TBX20: variants seen among roughly 807,000 people sequenced by gnomAD.
TBX20 encodes the protein T-box transcription factor TBX20.
TBX20 carries 8 observed loss-of-function variants against 42.9 expected under a neutral mutation model. The observed-to-expected ratio is 0.19, with a 90% CI of 0.11 to 0.34. The LOEUF (loss-of-function observed/expected upper bound fraction) is 0.34, where lower values mean the gene tolerates loss of function less well. Among genes scored for constraint, TBX20 ranks in the 10% least tolerant of loss-of-function variants. The probability of loss-of-function intolerance (pLI) is 1.00; values close to 1 mark genes in which losing one functional copy is unlikely to be tolerated. For missense variants in TBX20, 411 were observed against 566.0 expected, an observed-to-expected ratio of 0.73 and a Z score of 2.78; for synonymous variants, 198 against 222.8, an observed-to-expected ratio of 0.89 and a Z score of 0.99.
At chr7:35,235,622 G>A (rs1410585674) in intron 5 of TBX20, among the ~76,000 whole-genome samples, 2 of 152,176 alleles carry the variant, frequency 1.3e-5, no homozygotes, top group African/African-American at 4.8e-5. Flanking sequence ...TTTAGTGTGG[G>A]TCTACATATA....
chr7:35,233,230 G>GA (rs1419469294), intron 5 of TBX20, among the ~76,000 whole-genome samples: 2 of 152,118 alleles, frequency 1.3e-5, no homozygotes, highest in Non-Finnish European at 2.9e-5. Context: ...CACTTAAAAT[G>GA]AAACCTCACA....
intron 6 of TBX20, among the ~76,000 whole-genome samples, chr7:35,229,016 G>A (rs542899640): frequency 1.3e-5 from 2 of 152,118 alleles, no homozygotes; most frequent in African/African-American, 2.4e-5. Flanking sequence ...TCAAAAGCTC[G>A]TGTAGCTGTA....
chr7:35,226,258 T>C (rs1321628539), intron 6 of TBX20, among the ~76,000 whole-genome samples: 2 of 152,038 alleles, frequency 1.3e-5, no homozygotes, highest in African/African-American at 4.8e-5. Flanking sequence ...GATTTGGTGA[T>C]AAAACCATCT....
rs1584343496 is a variant in TBX20 at position 35,215,775 on chromosome 7, C to A, written c.891-11193G>T. ...AGAAATGGTACACACGTCAGAGACA[C>A]AATCACGGCCAGAAAATGGGCAAAA... On this transcript the variant is annotated intron_variant, in intron 6 of 7. Transcript: ENST00000408931. 2.6e-5 allele frequency among the ~76,000 whole-genome samples: 4 copies of A among 152,160 alleles called. 1 individual carries two copies. In the South Asian group the frequency reaches 8.3e-4, roughly 32 times the overall value.
chr7:35,208,851 T>C (rs1241698898), intron 6 of TBX20, among the ~76,000 whole-genome samples: 3 of 151,458 alleles, frequency 2.0e-5, no homozygotes, highest in Non-Finnish European at 4.4e-5. Context: ...AGATATAATA[T>C]TCATTCTAGG....
chr7:35,253,697 C>G lies in TBX20; in HGVS notation c.-77G>C. The G allele has an allele frequency of 2.6e-6, 4 of 1,562,020 alleles. No homozygotes were observed. Among genetic ancestry groups the G allele is most frequent in the Admixed American group, 3.7e-5 (2 of 54,586 alleles). ...CAGATTCCCCAAGGGAGACAAAGAC[C>G]CGAAACACAGCTCAAAGTTTCCGAG... On this transcript the variant is annotated 5_prime_UTR_variant, in exon 1 of 8. Coordinates refer to ENST00000408931, the MANE Select transcript of TBX20 (RefSeq NM_001077653.2).
intron 4 of TBX20, among the ~76,000 whole-genome samples, chr7:35,243,841 G>C (rs7795344): frequency 0.4 from 61,388 of 151,998 alleles, 12,577 homozygotes; most frequent in Admixed American, 0.47. Flanking sequence ...AGTTAAGTGG[G>C]TACCCTGACT....
chr7:35,222,462 G>A (rs1789699212), intron 6 of TBX20, among the ~76,000 whole-genome samples: 1 of 152,084 alleles, frequency 6.6e-6, no homozygotes, highest in Non-Finnish European at 1.5e-5. Flanking sequence ...GCTTGAAGCT[G>A]GGTTAAGTTT....
At chr7:35,214,638 AG>A (rs1023070246) in intron 6 of TBX20, among the ~76,000 whole-genome samples, 20 of 152,266 alleles carry the variant, frequency 1.3e-4, no homozygotes, top group African/African-American at 4.8e-4. Context: ...ATTTACTCAA[AG>A]GCTTAATTTA....
Position 35,204,503 on chromosome 7 carries a change from A to G in TBX20, c.970T>C (p.Leu324=), listed in dbSNP as rs1311110377. 6.2e-7 allele frequency: 1 copy of G among 1,614,124 alleles called. No individual in the cohort carries two copies. The highest frequency in any genetic ancestry group is 1.7e-5 in the Admixed American group (1 of 60,016). Residue 324 remains leucine, a synonymous_variant, in exon 7 of 8, where the codon TTG becomes CTG. Transcript: ENST00000408931. ...GGGGTTGTCTGACTCTCATCCCCCA[A>G]GACATCTTCTTCTCCTCCGTAGGTA... The part of the protein sequence containing the change: ...IRTYGGEEDV[L]GDESQTTPNR...
intron 6 of TBX20, among the ~76,000 whole-genome samples, chr7:35,206,580 T>A (rs890521239): frequency 6.6e-6 from 1 of 152,154 alleles, no homozygotes; most frequent in African/African-American, 2.4e-5. Flanking sequence ...GTGTATAGTT[T>A]GATCAGTTTG....
intron 1 of TBX20, among the ~76,000 whole-genome samples, chr7:35,252,700 A>G: frequency 6.6e-6 from 1 of 152,222 alleles, no homozygotes. Flanking sequence ...CCACGAGGCA[A>G]TGATGAGAAC....
intron 5 of TBX20, 35 bp from the exon 6 acceptor site, chr7:35,231,615 A>C (rs111584874): frequency 7.2e-7 from 1 of 1,389,668 alleles, no homozygotes; most frequent in Non-Finnish European, 1.0e-6. Flanking sequence ...AGTATCATTT[A>C]TGAGGTCAAG....
rs1256142766 is a variant in TBX20 at position 35,226,811 on chromosome 7, T to A, written c.890+4693A>T. Among the ~76,000 whole-genome samples the A allele has an allele frequency of 2.6e-5, 4 of 152,254 alleles. No individual in the cohort carries two copies. In the East Asian group the frequency reaches 7.7e-4, roughly 29 times the overall value. ...CAATGATGTTACTGGTTTGTATACG[T>A]ACTATGCTATAATTTTTATAATTAT... On this transcript the variant is annotated intron_variant, in intron 6 of 7. Coordinates refer to ENST00000408931, the MANE Select transcript of TBX20 (RefSeq NM_001077653.2).
rs183576021 is a variant in TBX20, at chr7:35,205,095, A to G, written c.891-513T>C. On this transcript the variant is annotated intron_variant, in intron 6 of 7. Transcript: ENST00000408931. ...ACTCTAATATTCACCAAGAAATCAA[A>G]CAAATTCATAGATTATAGTACAATA... Among the ~76,000 whole-genome samples the G allele has an allele frequency of 5.4e-4, 82 of 152,326 alleles. 1 individual carries two copies. The highest frequency in any genetic ancestry group is 1.7e-3 in the African/African-American group (71 of 41,570).
At chr7:35,205,325 G>A (rs1789382841) in intron 6 of TBX20, among the ~76,000 whole-genome samples, 2 of 151,596 alleles carry the variant, frequency 1.3e-5, no homozygotes. Flanking sequence ...AAAAAAATTT[G>A]GCATTGGACA....
chr7:35,234,726 C>T (rs182736661), intron 5 of TBX20, among the ~76,000 whole-genome samples: 1 of 152,032 alleles, frequency 6.6e-6, no homozygotes, highest in East Asian at 1.9e-4. Context: ...GAATTCAAAA[C>T]AATTACATTC....
At chr7:35,209,089 A>AATTATG (rs1789451627) in intron 6 of TBX20, among the ~76,000 whole-genome samples, 1 of 152,106 alleles carries the variant, frequency 6.6e-6, no homozygotes, top group Non-Finnish European at 1.5e-5. Flanking sequence ...ATGACATATT[A>AATTATG]TCGTTTTTTT....
chr7:35,216,458 T>C (rs1264395587), intron 6 of TBX20, among the ~76,000 whole-genome samples: 2 of 152,268 alleles, frequency 1.3e-5, no homozygotes, highest in African/African-American at 2.4e-5. Flanking sequence ...AATAAGGATA[T>C]CAATATGATA....
Sources: gnomAD v4.1 joint callset for allele counts (sites outside exome capture counted in the v4.1 genomes callset) on GRCh38, gnomAD v4.1.1 for gene constraint, MANE v1.5 for transcripts, NCBI Gene and HGNC (gene_info 2026-07-23, HGNC 2026-07-21) for gene names.